The following RPS6KA5 variants were observed in gnomAD, a reference collection of about 807,000 sequenced individuals.
RPS6KA5 encodes the protein ribosomal protein S6 kinase alpha-5.
In RPS6KA5, 27 loss-of-function variants were observed where a neutral mutation model predicts 85.5. The ratio of observed to expected loss-of-function variants is 0.32; its 90% CI spans 0.23 to 0.44. The LOEUF (loss-of-function observed/expected upper bound fraction) is 0.44. Ranked by LOEUF, RPS6KA5 falls within the 20% of genes least tolerant of loss-of-function variation. RPS6KA5 has a pLI of 1.00. For missense variants in RPS6KA5, 811 were observed against 980.9 expected (o/e 0.83, Z 2.31); for synonymous variants, 334 against 348.2 (o/e 0.96, Z 0.46).
intron 7 of RPS6KA5, among the ~76,000 whole-genome samples, chr14:90,918,509 A>G (rs1316932379): frequency 6.6e-6 from 1 of 152,212 alleles, no homozygotes; most frequent in Non-Finnish European, 1.5e-5. Context: ...TGAAGAGCAG[A>G]AATACTTAAT....
At chr14:90,974,380 C>T (rs2039468713) in intron 3 of RPS6KA5, among the ~76,000 whole-genome samples, 1 of 152,186 alleles carries the variant, frequency 6.6e-6, no homozygotes, top group South Asian at 2.1e-4. Flanking sequence ...ATTGGACAAA[C>T]AGCTGTAAAG....
chr14:90,889,040 T>C (rs2140188010), intron 14 of RPS6KA5, among the ~76,000 whole-genome samples: 1 of 152,286 alleles, frequency 6.6e-6, no homozygotes, highest in East Asian at 1.9e-4. Flanking sequence ...TCGCCTGTAA[T>C]CCCAGCACTT....
intron 1 of RPS6KA5, among the ~76,000 whole-genome samples, chr14:91,016,540 G>T (rs1394221341): frequency 6.6e-6 from 1 of 151,740 alleles, no homozygotes; most frequent in East Asian, 1.9e-4. Flanking sequence ...TGGTTCTAGG[G>T]TACCCAGATA....
At chr14:90,977,549 A>C (rs1182416088) in intron 3 of RPS6KA5, among the ~76,000 whole-genome samples, 3 of 152,246 alleles carry the variant, frequency 2.0e-5, no homozygotes, top group Non-Finnish European at 4.4e-5. Flanking sequence ...AATGCAAAGC[A>C]TCTCTAGGAA....
intron 1 of RPS6KA5, among the ~76,000 whole-genome samples, chr14:91,050,650 A>C (rs886160877): frequency 1.3e-5 from 2 of 152,114 alleles, no homozygotes; most frequent in Admixed American, 6.5e-5. Context: ...GCTGGTCTCA[A>C]ACTCCCGACC....
intron 3 of RPS6KA5, among the ~76,000 whole-genome samples, chr14:90,949,570 AACCACT>A (rs2038062472): frequency 5.3e-5 from 8 of 152,218 alleles, no homozygotes; most frequent in Admixed American, 5.2e-4. Context: ...CTCTGAACAA[AACCACT>A]CTGAAACTTA....
At chr14:90,920,109 C>A (rs1595216817) in intron 7 of RPS6KA5, 97 bp downstream of exon 7, 1 of 825,514 alleles carries the variant, frequency 1.2e-6, no homozygotes, top group East Asian at 2.5e-5. Flanking sequence ...TGTCTATCCT[C>A]ATTTTAAAAA....
rs563587827 is a variant in RPS6KA5, at chr14:90,932,429, G to GGCAATTTCACTT, written c.619-9245_619-9234dup. On this transcript the variant is annotated intron_variant, in intron 5 of 16. Transcript: ENST00000614987. ...TGCTGGGATTACAGGCATCAGCCCA[G>GGCAATTTCACTT]GCAATTTCACTTTAAATTCATGATC... Among the ~76,000 whole-genome samples, 59 of 152,148 alleles carry GGCAATTTCACTT rather than the reference G, an allele frequency of 3.9e-4. 1 individual carries two copies. Among genetic ancestry groups the GGCAATTTCACTT allele is most frequent in the African/African-American group, 1.3e-3 (54 of 41,518 alleles).
At chr14:90,925,956 AAAAAAAG>A (rs1192719408) in intron 5 of RPS6KA5, among the ~76,000 whole-genome samples, 9 of 151,182 alleles carry the variant, frequency 6.0e-5, no homozygotes, top group Non-Finnish European at 7.4e-5. Context: ...AAAAAAAAAA[AAAAAAAG>A]AAAAGAAAAG....
At chr14:90,947,806 A>C (rs2037950693) in intron 3 of RPS6KA5, among the ~76,000 whole-genome samples, 1 of 152,206 alleles carries the variant, frequency 6.6e-6, no homozygotes, top group Admixed American at 6.5e-5. Flanking sequence ...AAATCTGCAT[A>C]TATTTAAATA....
intron 3 of RPS6KA5, among the ~76,000 whole-genome samples, chr14:90,955,998 A>G (rs1422997983): frequency 6.6e-6 from 1 of 152,204 alleles, no homozygotes; most frequent in Non-Finnish European, 1.5e-5. Flanking sequence ...ATGTAACAAT[A>G]CAACCATAGA....
intron 2 of RPS6KA5, among the ~76,000 whole-genome samples, chr14:90,990,109 G>A (rs10144349): frequency 0.013 from 2,012 of 152,164 alleles, 58 homozygotes; most frequent in African/African-American, 0.046. Flanking sequence ...TCAGAGGGTG[G>A]AAAAGTACAC....
intron 1 of RPS6KA5, among the ~76,000 whole-genome samples, chr14:91,039,775 G>A (rs904904435): frequency 2.3e-4 from 35 of 152,300 alleles, no homozygotes; most frequent in African/African-American, 6.3e-4. Context: ...CCAGAGTAAG[G>A]CAGATAGAAG....
rs1430038161 is a variant in RPS6KA5, at chr14:90,860,798, A to C, written c.*11276T>G. 2 of 152,204 alleles carry C rather than the reference A, an allele frequency of 1.3e-5. No individual in the cohort carries two copies. The highest frequency in any genetic ancestry group is 2.9e-5 in the Non-Finnish European group (2 of 68,046). The allele number at this position is 152,204 out of a possible 1,614,324, so 9.4% of individuals were successfully genotyped here. ...CTAAAGAGAATTCTCCAGATGAAGA[A>C]AAGTAATCCCAGATGGAAGTAAAAA... On this transcript the variant is annotated 3_prime_UTR_variant, in exon 17 of 17. Coordinates refer to ENST00000614987, the MANE Select transcript of RPS6KA5 (RefSeq NM_004755.4).
Position 91,001,144 on chromosome 14 carries a change from T to C in RPS6KA5, c.119A>G (p.His40Arg), listed in dbSNP as rs888601559. The C allele has an allele frequency of 1.9e-6, 3 of 1,598,808 alleles. No homozygotes were observed. The highest frequency in any genetic ancestry group is 2.6e-6 in the Non-Finnish European group (3 of 1,172,926). ...HELRTANLTG[H>R]AEKVGIENFE... The stretch of plus-strand genomic sequence containing the variant: ...ATTTTCTATTCCCACCTTCTCAGCA[T>C]GTCCTGTCAAATTAGCTAAAAGAAA... The change falls in exon 2 of 17, where the codon CAT becomes CGT. Residue 40 changes from histidine (H) to arginine (R), a missense_variant. Around this residue, in one of 3 missense-constraint regions of RPS6KA5, gnomAD observed 113 missense variants for 100.0 expected, o/e 1.13. Transcript: ENST00000614987.
rs529937453 is a variant in RPS6KA5, at chr14:90,862,014, G to C, written c.*10060C>G. The C allele has an allele frequency of 7.2e-5, 11 of 152,108 alleles. No individual in the cohort carries two copies. The highest frequency in any genetic ancestry group is 2.4e-4 in the African/African-American group (10 of 41,480). 9.4% of individuals were successfully genotyped at this position (152,108 alleles called of 1,614,324 possible). A position where few individuals can be genotyped will look rare whatever the true frequency, so the allele number is the denominator to read the frequency against. On this transcript the variant is annotated 3_prime_UTR_variant, in exon 17 of 17. Coordinates refer to ENST00000614987, the MANE Select transcript of RPS6KA5 (RefSeq NM_004755.4). ...AAAGATACAAGCTGTAATCTTTAAG[G>C]TACTAAATGAATTTCTAAAAATTAC...
In RPS6KA5 at chr14:90,864,793, T is replaced by C. The variant is rs901825970; in HGVS notation, c.*7281A>G. The C allele has an allele frequency of 6.6e-6, 1 of 152,198 alleles. No homozygotes were observed. The highest frequency in any genetic ancestry group is 2.4e-5 in the African/African-American group (1 of 41,458). The allele number at this position is 152,198 out of a possible 1,614,324, so 9.4% of individuals were successfully genotyped here. A position where few individuals can be genotyped will look rare whatever the true frequency, so the allele number is the denominator to read the frequency against. ...AAAAGGTGTTCCACACATCACTACT[T>C]ATCAGGAAAATACACCTTAAAATCT... On this transcript the variant is annotated 3_prime_UTR_variant, in exon 17 of 17. Transcript: ENST00000614987.
chr14:91,021,019 A>G (rs895190555), intron 1 of RPS6KA5, among the ~76,000 whole-genome samples: 1 of 152,186 alleles, frequency 6.6e-6, no homozygotes, highest in African/African-American at 2.4e-5. Flanking sequence ...TAGATTTATC[A>G]TCCAGTTAAA....
chr14:90,890,968 TC>T (rs1002042747), intron 13 of RPS6KA5, among the ~76,000 whole-genome samples: 10 of 152,214 alleles, frequency 6.6e-5, no homozygotes, highest in Admixed American at 6.5e-4. Flanking sequence ...TTTTGCTTCC[TC>T]CGCCAACCTA....
Sources: allele counts gnomAD v4.1 joint callset (sites outside exome capture counted in the v4.1 genomes callset), GRCh38; gene constraint gnomAD v4.1.1; regional missense constraint gnomAD v4.1.1; transcripts MANE v1.5; gene names NCBI Gene and HGNC (gene_info 2026-07-23, HGNC 2026-07-21).